Variants in MCCC2 observed in about 807,000 individuals in gnomAD.
MCCC2 encodes the protein methylcrotonoyl-CoA carboxylase beta chain, mitochondrial.
MCCC2 carries 52 observed loss-of-function variants against 77.2 expected under a neutral mutation model. That is an observed-to-expected ratio of 0.67 (90% CI 0.54 to 0.85). The LOEUF (loss-of-function observed/expected upper bound fraction) is 0.85. Among genes scored for constraint, MCCC2 ranks in the 40% least tolerant of loss-of-function variants. The pLI, the probability that MCCC2 is intolerant of heterozygous loss-of-function variation, is 0.00. For synonymous variants in MCCC2, 253 were observed against 248.4 expected, an observed-to-expected ratio of 1.02 and a Z score of -0.18; for missense variants, 682 against 703.2, an observed-to-expected ratio of 0.97 and a Z score of 0.34.
chr5:71,600,032 G>C (rs1323362160), intron 4 of MCCC2, among the ~76,000 whole-genome samples: 1 of 152,110 alleles, frequency 6.6e-6, no homozygotes, highest in Non-Finnish European at 1.5e-5. Context: ...CGGCATGGTG[G>C]CACACGCCTG....
chr5:71,644,032 C>CAT (rs1747206608), intron 12 of MCCC2, 137 bp downstream of exon 12: 2 of 538,740 alleles, frequency 3.7e-6, no homozygotes, highest in Non-Finnish European at 3.0e-6. Flanking sequence ...TGTGCGCGGG[C>CAT]ATGTGTGTGT....
At chr5:71,590,720 G>A (rs1432281683) in intron 1 of MCCC2, among the ~76,000 whole-genome samples, 3 of 152,108 alleles carry the variant, frequency 2.0e-5, no homozygotes, top group Non-Finnish European at 4.4e-5. Context: ...GGGAGTGTGA[G>A]GCAGGAGAGT....
chr5:71,634,499 G>A (rs890991353), intron 8 of MCCC2, among the ~76,000 whole-genome samples: 8 of 152,200 alleles, frequency 5.3e-5, no homozygotes, highest in African/African-American at 9.6e-5. Flanking sequence ...GCTCAGTTAC[G>A]TACACAGTTT....
chr5:71,647,246 G>A (rs891126068), intron 13 of MCCC2, among the ~76,000 whole-genome samples: 1 of 152,292 alleles, frequency 6.6e-6, no homozygotes, highest in East Asian at 1.9e-4. Context: ...AAGCCTCTTT[G>A]AGAAGGAAGA....
chr5:71,638,453 G>C (rs1395747488), intron 10 of MCCC2, among the ~76,000 whole-genome samples: 3 of 152,050 alleles, frequency 2.0e-5, no homozygotes, highest in Admixed American at 2.0e-4. Context: ...CTTTCCAAAA[G>C]GTTTTCGATT....
At chr5:71,641,735 C>G (rs1019492261) in intron 11 of MCCC2, among the ~76,000 whole-genome samples, 2 of 152,108 alleles carry the variant, frequency 1.3e-5, no homozygotes, top group African/African-American at 4.8e-5. Context: ...GTGAATTTTA[C>G]TTGTTCATAA....
chr5:71,621,216 A>C (rs1377550746), intron 6 of MCCC2, among the ~76,000 whole-genome samples: 1 of 152,018 alleles, frequency 6.6e-6, no homozygotes, highest in East Asian at 1.9e-4. Context: ...TACAGGAAGA[A>C]GCAGATACAG....
intron 10 of MCCC2, among the ~76,000 whole-genome samples, chr5:71,637,340 A>G (rs1580322127): frequency 6.6e-6 from 1 of 152,234 alleles, no homozygotes; most frequent in East Asian, 1.9e-4. Context: ...TAAAGTTAAT[A>G]TCACAATAAA....
At chr5:71,641,306 T>C in intron 11 of MCCC2, 2 of 523,944 alleles carry the variant, frequency 3.8e-6, no homozygotes, top group South Asian at 4.5e-5. Context: ...TGTGGGTCCC[T>C]ATCTGTGACT....
At chr5:71,651,787 G>A (rs71612576) in intron 15 of MCCC2, among the ~76,000 whole-genome samples, 1 of 152,174 alleles carries the variant, frequency 6.6e-6, no homozygotes, top group Non-Finnish European at 1.5e-5. Flanking sequence ...GTGGGTGGGG[G>A]AGGTGAGATA....
At chr5:71,601,226 C>A (rs1745417079) in intron 4 of MCCC2, among the ~76,000 whole-genome samples, 2 of 152,190 alleles carry the variant, frequency 1.3e-5, no homozygotes, top group Non-Finnish European at 2.9e-5. Flanking sequence ...ATGGCTATGT[C>A]CCTTGTCCAT....
Position 71,604,424 on chromosome 5 carries a change from A to G in MCCC2, c.580A>G (p.Thr194Ala). The G allele has an allele frequency of 6.2e-7, 1 of 1,614,196 alleles. No homozygotes were observed. Among genetic ancestry groups the G allele is most frequent in the Non-Finnish European group, 8.5e-7 (1 of 1,180,036 alleles). Reference protein sequence around the residue: ...VFPDRDHFGRTFYNQAIMSSK... With the variant: ...VFPDRDHFGRAFYNQAIMSSK... ...TCCAGATCGAGACCACTTTGGCCGT[A>G]CATTCTATAATCAGGCAATTATGTC... Residue 194 changes from threonine to alanine, a missense_variant, in exon 6 of 17, where the codon ACA becomes GCA. Thr to Ala is a moderately conservative substitution (Grantham distance 58, BLOSUM62 0). Transcript: ENST00000340941.
At chr5:71,631,152 A>T (rs1040315202) in intron 7 of MCCC2, among the ~76,000 whole-genome samples, 4 of 152,150 alleles carry the variant, frequency 2.6e-5, no homozygotes, top group Non-Finnish European at 4.4e-5. Flanking sequence ...ATTTTTCAGC[A>T]TGTTATTGAG....
At chr5:71,593,375 C>A (rs1198872411) in intron 2 of MCCC2, among the ~76,000 whole-genome samples, 2 of 152,126 alleles carry the variant, frequency 1.3e-5, no homozygotes, top group Non-Finnish European at 2.9e-5. Context: ...TAGGCGTGAG[C>A]CACTACTCCT....
intron 6 of MCCC2, among the ~76,000 whole-genome samples, chr5:71,614,683 T>G (rs548994421): frequency 2.0e-5 from 3 of 152,006 alleles, no homozygotes; most frequent in African/African-American, 7.2e-5. Flanking sequence ...GGGGTTTTAC[T>G]ATGTTGCCCA....
intron 6 of MCCC2, among the ~76,000 whole-genome samples, chr5:71,611,011 A>G (rs1745919487): frequency 6.6e-6 from 1 of 152,138 alleles, no homozygotes; most frequent in South Asian, 2.1e-4. Context: ...GGTTTTTAAA[A>G]GGAAAACAGG....
chr5:71,638,049 C>T (rs1290807365), intron 10 of MCCC2, among the ~76,000 whole-genome samples: 2 of 152,172 alleles, frequency 1.3e-5, no homozygotes, highest in African/African-American at 4.8e-5. Flanking sequence ...TCCTCTCAAA[C>T]CTGACTACTG....
chr5:71,651,670 C>T (rs902185880), intron 15 of MCCC2, among the ~76,000 whole-genome samples: 1 of 152,116 alleles, frequency 6.6e-6, no homozygotes, highest in African/African-American at 2.4e-5. Context: ...TCCAAGCACT[C>T]GGAACTCTGG....
intron 6 of MCCC2, among the ~76,000 whole-genome samples, chr5:71,620,160 T>C (rs1371777269): frequency 6.6e-6 from 1 of 152,196 alleles, no homozygotes; most frequent in Non-Finnish European, 1.5e-5. Flanking sequence ...ATCTATCCAG[T>C]TGGCATAGGT....
Sources: gnomAD v4.1 joint callset for allele counts (sites outside exome capture counted in the v4.1 genomes callset) on GRCh38, gnomAD v4.1.1 for gene constraint, MANE v1.5 for transcripts, NCBI Gene and HGNC (gene_info 2026-07-23, HGNC 2026-07-21) for gene names.